MAD1L1: variants seen among roughly 807,000 people sequenced by gnomAD.
The protein encoded by MAD1L1 is mitotic arrest deficient 1 like 1.
A neutral mutation model predicts 96.9 loss-of-function variants in MAD1L1; 95 were observed. The ratio of observed to expected loss-of-function variants is 0.98; its 90% CI spans 0.83 to 1.16. The LOEUF is 1.16. Among genes scored for constraint, MAD1L1 ranks in the 50% most tolerant of loss-of-function variants. MAD1L1 has a pLI of 0.00. For missense variants in MAD1L1, 1,007 were observed against 954.4 expected (o/e 1.06, Z -0.73); for synonymous variants, 473 against 396.6 (o/e 1.19, Z -2.29).
At chr7:1,966,215 C>G (rs905694022) in intron 15 of MAD1L1, among the ~76,000 whole-genome samples, 2 of 152,260 alleles carry the variant, frequency 1.3e-5, no homozygotes, top group African/African-American at 4.8e-5. Context: ...AGAAACCACC[C>G]AGGTCGGCTC....
intron 17 of MAD1L1, among the ~76,000 whole-genome samples, chr7:1,907,979 AC>A (rs1305787665): frequency 6.6e-6 from 1 of 152,150 alleles, no homozygotes; most frequent in African/African-American, 2.4e-5. Context: ...GCGGCCCGTG[AC>A]CCCAGAGCTC....
At chr7:2,011,129 G>GC (rs1314540140) in intron 13 of MAD1L1, among the ~76,000 whole-genome samples, 1 of 152,130 alleles carries the variant, frequency 6.6e-6, no homozygotes, top group African/African-American at 2.4e-5. Context: ...GGCGATGGCG[G>GC]CCCCCCACCC....
intron 18 of MAD1L1, among the ~76,000 whole-genome samples, chr7:1,826,640 T>C (rs1478564260): frequency 6.6e-6 from 1 of 152,240 alleles, no homozygotes; most frequent in African/African-American, 2.4e-5. Flanking sequence ...GCCTCGCAGA[T>C]GCTGCCGCGT....
intron 18 of MAD1L1, among the ~76,000 whole-genome samples, chr7:1,872,124 T>A (rs1396369653): frequency 6.6e-6 from 1 of 152,190 alleles, no homozygotes; most frequent in Non-Finnish European, 1.5e-5. Flanking sequence ...GCAGGCCATC[T>A]GCGCTCCCTC....
intron 18 of MAD1L1, among the ~76,000 whole-genome samples, chr7:1,870,370 T>C (rs1335316719): frequency 7.2e-6 from 1 of 139,188 alleles, no homozygotes; most frequent in Non-Finnish European, 1.6e-5. Context: ...GAACCCAACA[T>C]ACGCTTGCCA....
chr7:2,093,902 G>A (rs1157589633), intron 11 of MAD1L1, among the ~76,000 whole-genome samples: 1 of 152,236 alleles, frequency 6.6e-6, no homozygotes, highest in East Asian at 1.9e-4. Context: ...GACGATGTCA[G>A]GTCGGCAGTC....
chr7:1,944,896 C>T (rs1223550197), intron 16 of MAD1L1, among the ~76,000 whole-genome samples: 2 of 152,232 alleles, frequency 1.3e-5, no homozygotes, highest in Non-Finnish European at 2.9e-5. Flanking sequence ...TGTGAGTCAG[C>T]AGCTGACAGG....
chr7:1,889,576 A>AG (rs574371423), intron 18 of MAD1L1, among the ~76,000 whole-genome samples: 45,470 of 151,766 alleles, frequency 0.3, 8,118 homozygotes, highest in East Asian at 0.45. Context: ...CCCCTGCACC[A>AG]TCTCCTATGT....
At chr7:2,175,174 G>A (rs1057103302) in intron 10 of MAD1L1, 9 of 152,216 alleles carry the variant, frequency 5.9e-5, no homozygotes, top group African/African-American at 1.2e-4. Context: ...CACGACCATC[G>A]GCTTTACCGC....
At chr7:1,906,244 C>G (rs989264075) in intron 17 of MAD1L1, among the ~76,000 whole-genome samples, 1 of 152,116 alleles carries the variant, frequency 6.6e-6, no homozygotes, top group Non-Finnish European at 1.5e-5. Context: ...GCAGCCTCTT[C>G]CCAGGCTGGC....
intron 11 of MAD1L1, among the ~76,000 whole-genome samples, chr7:2,115,843 C>T (rs780144552): frequency 3.3e-5 from 5 of 152,250 alleles, no homozygotes; most frequent in Non-Finnish European, 7.3e-5. Flanking sequence ...GGAACGGTGG[C>T]GGGCCCTGCG....
At position 2,071,567 on chromosome 7, in the gene MAD1L1, G is replaced by T. The variant is rs142038952; in HGVS notation, c.1074-2229C>A. On this transcript the variant is annotated intron_variant, in intron 11 of 18. Transcript: ENST00000265854. ...CAGCCCCTGGGCAGCTGCAGGATGG[G>T]GCGGGACACCAGGAAGATCGAGGCC... Among the ~76,000 whole-genome samples the T allele has an allele frequency of 4.7e-3, 710 of 152,344 alleles. 7 individuals are homozygous for T. The highest frequency in any genetic ancestry group is 0.016 in the African/African-American group (674 of 41,580).
chr7:2,167,316 G>A (rs181276224), intron 10 of MAD1L1, among the ~76,000 whole-genome samples: 1 of 152,258 alleles, frequency 6.6e-6, no homozygotes, highest in East Asian at 1.9e-4. Context: ...GGGAGGCTGA[G>A]GCGGGCGGAT....
rs60466584 is a variant in MAD1L1, at chr7:2,038,498, C to CTTTTTTTTTTTTTTTTTTTTTTTTTTTTT, written c.1219-23857_1219-23856insAAAAAAAAAAAAAAAAAAAAAAAAAAAAA. Among the ~76,000 whole-genome samples, 7 of 92,826 alleles carry CTTTTTTTTTTTTTTTTTTTTTTTTTTTTT rather than the reference C, an allele frequency of 7.5e-5. 3 individuals carry two copies. The highest frequency in any genetic ancestry group is 4.3e-5 in the Non-Finnish European group (2 of 46,294). 60.9% of individuals were successfully genotyped at this position (92,826 alleles called of 152,430 possible). ...TGTTAGGAGATAATGAAGCTGATGA[C>CTTTTTTTTTTTTTTTTTTTTTTTTTTTTT]TTTTTTTTTTTTTTTTTTTTTTTTT... On this transcript the variant is annotated intron_variant, in intron 12 of 18. Coordinates refer to ENST00000265854, the MANE Select transcript of MAD1L1 (RefSeq NM_001013836.2).
chr7:2,130,468 C>A (rs1181164478), intron 11 of MAD1L1, among the ~76,000 whole-genome samples: 1 of 152,158 alleles, frequency 6.6e-6, no homozygotes, highest in Non-Finnish European at 1.5e-5. Flanking sequence ...ACGTCGTCTG[C>A]GGCAGGTCTG....
intron 13 of MAD1L1, among the ~76,000 whole-genome samples, chr7:2,007,652 C>T (rs866138729): frequency 9.8e-5 from 15 of 152,292 alleles, no homozygotes; most frequent in Middle Eastern, 3.4e-3. Context: ...CCAGCCCGGG[C>T]GACTGAGCGA....
intron 17 of MAD1L1, among the ~76,000 whole-genome samples, chr7:1,936,267 T>A (rs756725367): frequency 7.9e-5 from 12 of 152,234 alleles, no homozygotes; most frequent in Non-Finnish European, 1.5e-5. Flanking sequence ...GGCCTCATTC[T>A]TCCCTGGGAC....
At chr7:2,097,323 GC>G (rs1786545144) in intron 11 of MAD1L1, among the ~76,000 whole-genome samples, 1 of 152,186 alleles carries the variant, frequency 6.6e-6, no homozygotes, top group Admixed American at 6.5e-5. Flanking sequence ...GGCCTCCTCA[GC>G]CAAGACCAAG....
At position 2,220,734 on chromosome 7, in the gene MAD1L1, C is replaced by T. The variant is rs1024857180; in HGVS notation, c.472-1278G>A. 9.5e-6 allele frequency: 8 copies of T among 840,384 alleles called. No individual in the cohort carries two copies. The Admixed American group carries it at 1.2e-4, about 13-fold the overall frequency. 52.1% of individuals were successfully genotyped at this position (840,384 alleles called of 1,614,324 possible). ...TCTGGGAAGGCCCGCATGGGGGCTG[C>T]GTGCTCCCCACATGCCCACAATATG... On this transcript the variant is annotated intron_variant, in intron 5 of 18. Coordinates refer to ENST00000265854, the MANE Select transcript of MAD1L1 (RefSeq NM_001013836.2).
Sources: allele counts gnomAD v4.1 joint callset (sites outside exome capture counted in the v4.1 genomes callset), GRCh38; gene constraint gnomAD v4.1.1; transcripts MANE v1.5; gene names NCBI Gene and HGNC (gene_info 2026-07-23, HGNC 2026-07-21).